The following H3C6 variants were observed in gnomAD, a reference collection of about 807,000 sequenced individuals.
H3C6 encodes the protein histone H3.1.
Under a neutral mutation model 8.0 loss-of-function variants are expected in H3C6, and 17 were observed. The ratio of observed to expected loss-of-function variants is 2.13; its 90% CI spans 1.46 to 3.19. The LOEUF (loss-of-function observed/expected upper bound fraction) is 3.19. Among genes scored for constraint, H3C6 ranks in the 30% most tolerant of loss-of-function variants. The pLI is 0.00. For missense variants in H3C6, 298 were observed against 193.8 expected, an observed-to-expected ratio of 1.54 and a Z score of -3.19; for synonymous variants, 169 against 78.0, an observed-to-expected ratio of 2.17 and a Z score of -6.15.
At chr6:26,226,770 G>A (rs1056263789), downstream of H3C6, 1 of 152,194 alleles carries the variant, frequency 6.6e-6, no homozygotes, top group Non-Finnish European at 1.5e-5. Flanking sequence ...ATTCTGTTAC[G>A]AAATCATACA....
upstream of H3C6, chr6:26,225,058 C>A: frequency 7.5e-7 from 1 of 1,331,194 alleles, no homozygotes; most frequent in East Asian, 2.5e-5. Context: ...AGCAACCGAT[C>A]ACTAACAGGG....
chr6:26,225,125 T>A, upstream of H3C6: 1 of 1,523,860 alleles, frequency 6.6e-7, no homozygotes, highest in Non-Finnish European at 8.8e-7. Context: ...CAAACCAATC[T>A]TCCTAACTCA....
Position 26,225,204 on chromosome 6 carries a change from C to T in H3C6, c.50C>T (p.Pro17Leu). The change falls in exon 1 of 1, where the codon CCG (proline) becomes CTG (leucine). Residue 17 changes from proline (P) to leucine (L), a missense_variant. Physicochemically the swap from Pro to Leu is moderately conservative, Grantham distance 98. Coordinates refer to ENST00000614911, the MANE Select transcript of H3C6 (RefSeq NM_003532.3). ...CGTAAATCCACAGGCGGTAAAGCAC[C>T]GCGCAAACAGCTGGCCACTAAGGCA... ...TARKSTGGKA[P>L]RKQLATKAAR... 6.2e-7 allele frequency: 1 copy of T among 1,601,726 alleles called. No individual in the cohort carries two copies. The highest frequency in any genetic ancestry group is 8.5e-7 in the Non-Finnish European group (1 of 1,174,004).
In H3C6 at chr6:26,225,193, C is replaced by T. The variant is rs1765600986; in HGVS notation, c.39C>T (p.Gly13=). The part of the protein sequence containing the change: ...RTKQTARKST[G]GKAPRKQLAT... ...AGCAGACGGCTCGTAAATCCACAGG[C>T]GGTAAAGCACCGCGCAAACAGCTGG... The change falls in exon 1 of 1, where the codon GGC becomes GGT. Residue 13 remains glycine (G), a synonymous_variant. Coordinates refer to ENST00000614911, the MANE Select transcript of H3C6 (RefSeq NM_003532.3). The T allele has an allele frequency of 1.1e-5, 17 of 1,589,510 alleles. No homozygotes were observed. Among genetic ancestry groups the T allele is most frequent in the East Asian group, 2.2e-5 (1 of 44,778 alleles).
At position 26,225,570 on chromosome 6, in the gene H3C6, T is replaced by C. The variant is rs1225893159; in HGVS notation, c.*5T>C. 6.2e-7 allele frequency: 1 copy of C among 1,610,740 alleles called. No homozygotes were observed. Among genetic ancestry groups the C allele is most frequent in the Non-Finnish European group, 8.5e-7 (1 of 1,178,286 alleles). On this transcript the variant is annotated 3_prime_UTR_variant, in exon 1 of 1. Transcript: ENST00000614911. ...ATTCGTGGGGAGAGGGCGTGAATTG[T>C]TTTGAGTACAAACCTTAAATCCAAA...
chr6:26,226,465 C>T (rs1759565362), downstream of H3C6: 1 of 152,534 alleles, frequency 6.6e-6, no homozygotes, highest in Non-Finnish European at 1.5e-5. Flanking sequence ...GATCTCGGCT[C>T]ACCGCAACCT....
rs1000720827 is a variant in H3C6 at position 26,225,262 on chromosome 6, G to T, written c.108G>T (p.Val36=). The T allele has an allele frequency of 6.2e-7, 1 of 1,614,040 alleles. No individual in the cohort carries two copies. Among genetic ancestry groups the T allele is most frequent in the Non-Finnish European group, 8.5e-7 (1 of 1,179,932 alleles). Residue 36 remains valine, a synonymous_variant, in exon 1 of 1, where the codon GTG becomes GTT. Coordinates refer to ENST00000614911, the MANE Select transcript of H3C6 (RefSeq NM_003532.3). ...ARKSAPATGG[V]KKPHRYRPGT... is the part of the protein sequence containing the mutation. ...AGAGCGCTCCGGCCACGGGCGGCGTGAAGAAGCCCCATCGCTACCGCCCTG... is the reference window on the plus strand; with the variant it reads ...AGAGCGCTCCGGCCACGGGCGGCGTTAAGAAGCCCCATCGCTACCGCCCTG...
At position 26,225,232 on chromosome 6, in the gene H3C6, T is replaced by C; in HGVS notation, c.78T>C (p.Ala26=). The C allele has an allele frequency of 1.2e-6, 2 of 1,611,948 alleles. No homozygotes were observed. The highest frequency in any genetic ancestry group is 1.7e-6 in the Non-Finnish European group (2 of 1,178,810). Residue 26 remains alanine, a synonymous_variant, in exon 1 of 1, where the codon GCT becomes GCC. Transcript: ENST00000614911. Reference sequence around the variant, plus strand: ...GCAAACAGCTGGCCACTAAGGCAGCTCGCAAGAGCGCTCCGGCCACGGGCG... The same window carrying C: ...GCAAACAGCTGGCCACTAAGGCAGCCCGCAAGAGCGCTCCGGCCACGGGCG... ...APRKQLATKA[A]RKSAPATGGV...
downstream of H3C6, chr6:26,226,209 A>G (rs907268189): frequency 1.3e-5 from 2 of 152,302 alleles, no homozygotes; most frequent in Non-Finnish European, 2.9e-5. Context: ...GCTCTTGCAG[A>G]CTTGACAGCC....
downstream of H3C6, chr6:26,226,360 TCTTATTTA>T (rs1383735117): frequency 2.9e-5 from 4 of 138,426 alleles, no homozygotes; most frequent in South Asian, 4.7e-4. Flanking sequence ...TTTTTTCTTT[TCTTATTTA>T]TTTATTTATT....
Position 26,225,559 on chromosome 6 carries a change from G to C in H3C6, c.405G>C (p.Arg135Ser). The change falls in exon 1 of 1, where the codon AGG (arginine) becomes AGC (serine). Residue 135 changes from arginine to serine, a missense_variant. Physicochemically the swap from Arg to Ser is moderately radical, Grantham distance 110 (BLOSUM62 -1). Transcript: ENST00000614911. ...TTGCCCGCCGCATTCGTGGGGAGAG[G>C]GCGTGAATTGTTTTGAGTACAAACC... ...IQLARRIRGE[R>S]A The C allele has an allele frequency of 1.2e-6, 2 of 1,612,552 alleles. No homozygotes were observed. The highest frequency in any genetic ancestry group is 1.7e-6 in the Non-Finnish European group (2 of 1,179,216).
In H3C6 at chr6:26,225,223, T is replaced by A. The variant is rs371947643; in HGVS notation, c.69T>A (p.Thr23=). 42 of 1,610,682 alleles carry A rather than the reference T, an allele frequency of 2.6e-5. 1 individual carries two copies. In the South Asian group the frequency reaches 4.5e-4, roughly 17 times the overall value. Residue 23 remains threonine, a synonymous_variant, in exon 1 of 1, where the codon ACT becomes ACA. Coordinates refer to ENST00000614911, the MANE Select transcript of H3C6 (RefSeq NM_003532.3). The stretch of plus-strand genomic sequence containing the variant: ...AAGCACCGCGCAAACAGCTGGCCAC[T>A]AAGGCAGCTCGCAAGAGCGCTCCGG... ...GGKAPRKQLA[T]KAARKSAPAT...
chr6:26,225,147 G>A lies in H3C6; in HGVS notation c.-8G>A, dbSNP rs746769625. 52 of 1,532,272 alleles carry A rather than the reference G, an allele frequency of 3.4e-5. No homozygotes were observed. The highest frequency in any genetic ancestry group is 6.5e-5 in the Admixed American group (3 of 46,384). 94.9% of individuals were successfully genotyped at this position (1,532,272 alleles called of 1,614,324 possible). On this transcript the variant is annotated 5_prime_UTR_variant, in exon 1 of 1. Coordinates refer to ENST00000614911, the MANE Select transcript of H3C6 (RefSeq NM_003532.3). ...ATCTTCCTAACTCATTTACTTTGCA[G>A]ATGAACTATGGCGCGTACTAAGCAG...
downstream of H3C6, chr6:26,225,888 C>G (rs774537959): frequency 9.1e-6 from 2 of 218,888 alleles, no homozygotes; most frequent in African/African-American, 4.6e-5. Context: ...TTAATTGTAC[C>G]CTGCTTAACC....
rs752928597 is a variant in H3C6, at chr6:26,225,349, G to A, written c.195G>A (p.Lys65=). ...AGTCTACCGAGCTTCTAATCCGGAA[G>A]CTGCCGTTTCAGCGCCTGGTGCGAG... ...YQKSTELLIR[K]LPFQRLVREI... The change falls in exon 1 of 1, where the codon AAG becomes AAA. Residue 65 remains lysine, a synonymous_variant. Coordinates refer to ENST00000614911, the MANE Select transcript of H3C6 (RefSeq NM_003532.3). The A allele has an allele frequency of 6.6e-5, 107 of 1,614,114 alleles. No individual in the cohort carries two copies. Among genetic ancestry groups the A allele is most frequent in the Non-Finnish European group, 8.7e-5 (103 of 1,180,042 alleles).
downstream of H3C6, chr6:26,225,848 A>C (rs927489312): frequency 3.1e-6 from 1 of 318,502 alleles, no homozygotes; most frequent in Non-Finnish European, 5.7e-6. Flanking sequence ...TTTCTTGTAC[A>C]TTGTTCTCGT....
chr6:26,225,211 A>C lies in H3C6; in HGVS notation c.57A>C (p.Lys19Asn). Residue 19 changes from lysine to asparagine, a missense_variant, in exon 1 of 1, where the codon AAA becomes AAC. Transcript: ENST00000614911. Reference protein sequence around the residue: ...RKSTGGKAPRKQLATKAARKS... With the variant: ...RKSTGGKAPRNQLATKAARKS... ...CCACAGGCGGTAAAGCACCGCGCAA[A>C]CAGCTGGCCACTAAGGCAGCTCGCA... is the stretch of plus-strand genomic sequence containing the variant. 2 of 1,605,428 alleles carry C rather than the reference A, an allele frequency of 1.2e-6. No homozygotes were observed. Among genetic ancestry groups the C allele is most frequent in the Non-Finnish European group, 8.5e-7 (1 of 1,175,790 alleles).
chr6:26,224,366 G>A (rs948986959), upstream of H3C6: 1 of 152,236 alleles, frequency 6.6e-6, no homozygotes, highest in Non-Finnish European at 1.5e-5. Flanking sequence ...GTGCACCTCA[G>A]CTCTCTCCCG....
In H3C6 at chr6:26,225,457, G is replaced by T; in HGVS notation, c.303G>T (p.Leu101Phe). Residue 101 changes from leucine to phenylalanine, a missense_variant, in exon 1 of 1, where the codon TTG (leucine) becomes TTT (phenylalanine). By Grantham distance (22) the Leu-to-Phe change is conservative. Coordinates refer to ENST00000614911, the MANE Select transcript of H3C6 (RefSeq NM_003532.3). Reference sequence around the variant, plus strand: ...TGCAGGAGGCCTGCGAGGCCTACTTGGTGGGGCTTTTCGAGGACACCAACC... The same window carrying T: ...TGCAGGAGGCCTGCGAGGCCTACTTTGTGGGGCTTTTCGAGGACACCAACC... ...MALQEACEAY[L>F]VGLFEDTNLC... 6.2e-7 allele frequency: 1 copy of T among 1,614,254 alleles called. No individual in the cohort carries two copies.
Sources: allele counts gnomAD v4.1 joint callset, GRCh38; gene constraint gnomAD v4.1.1; transcripts MANE v1.5; gene names NCBI Gene and HGNC (gene_info 2026-07-23, HGNC 2026-07-21).